The following TMEM50A variants were observed in gnomAD, a reference collection of about 807,000 sequenced individuals.
TMEM50A encodes cervical cancer oncogene 9.
In TMEM50A, 8 loss-of-function variants were observed where a neutral mutation model predicts 23.9. The ratio of observed to expected loss-of-function variants is 0.33; its 90% CI spans 0.20 to 0.60. The LOEUF is 0.60. Among genes scored for constraint, TMEM50A ranks in the 20% least tolerant of loss-of-function variants. TMEM50A has a pLI of 0.81. For missense variants in TMEM50A, 178 were observed against 192.7 expected, an observed-to-expected ratio of 0.92 and a Z score of 0.45; for synonymous variants, 55 against 60.4, an observed-to-expected ratio of 0.91 and a Z score of 0.41.
chr1:25,346,338 A>G (rs1272341968), intron 3 of TMEM50A, among the ~76,000 whole-genome samples: 3 of 151,990 alleles, frequency 2.0e-5, no homozygotes, highest in African/African-American at 7.2e-5. Flanking sequence ...AAACATGCAC[A>G]TGAACACCCA....
intron 3 of TMEM50A, 122 bp from the exon 4 acceptor site, chr1:25,351,504 G>A (rs915698942): frequency 4.4e-6 from 3 of 679,506 alleles, no homozygotes; most frequent in Non-Finnish European, 6.6e-6. Context: ...GTGAGACCCT[G>A]TATCTTTAAA....
At chr1:25,356,913 A>G (rs1645338631) in intron 6 of TMEM50A, 60 bp downstream of exon 6, 22 of 1,260,804 alleles carry the variant, frequency 1.7e-5, no homozygotes, top group Non-Finnish European at 2.3e-5. Context: ...CTTCTTTTAT[A>G]TCATTTTCTA....
At chr1:25,351,589 T>C (rs775217218) in intron 3 of TMEM50A, 37 bp from the exon 4 acceptor site, 1 of 1,562,852 alleles carries the variant, frequency 6.4e-7, no homozygotes, top group Admixed American at 1.9e-5. Context: ...ATTGGTGTCA[T>C]GGACCCTGAT....
chr1:25,341,383 C>T (rs998265182), intron 2 of TMEM50A, among the ~76,000 whole-genome samples: 4 of 152,064 alleles, frequency 2.6e-5, no homozygotes, highest in Non-Finnish European at 5.9e-5. Flanking sequence ...TTCAGCCTCC[C>T]GAGTAGCTGG....
rs1645395066 is a variant in TMEM50A, at chr1:25,360,961, A to G, written c.*256A>G. On this transcript the variant is annotated 3_prime_UTR_variant, in exon 7 of 7. Coordinates refer to ENST00000374358, the MANE Select transcript of TMEM50A (RefSeq NM_014313.4). ...TTTTTGTCAAATTTTATCATGGTAT[A>G]ATTTGTAAAAATAAAAAGAAATTAC... is the stretch of plus-strand genomic sequence containing the variant. The G allele has an allele frequency of 5.4e-6, 2 of 369,914 alleles. No homozygotes were observed. The highest frequency in any genetic ancestry group is 4.9e-6 in the Non-Finnish European group (1 of 204,312). The allele number at this position is 369,914 out of a possible 1,614,324, so 22.9% of individuals were successfully genotyped here.
chr1:25,340,533 G>C lies in TMEM50A; in HGVS notation c.47G>C (p.Trp16Ser), dbSNP rs147456847. The change falls in exon 2 of 7, where the codon TGG becomes TCG. Residue 16 changes from tryptophan to serine, a missense_variant. By Grantham distance (177) the Trp-to-Ser change is radical. Transcript: ENST00000374358. The stretch of plus-strand genomic sequence containing the variant: ...TTGAGATGCTCAGAATGCATTGACT[G>C]GGGGGAAAAGCGCAATACTATTGCT... ...EGLRCSECID[W>S]GEKRNTIASI... 6.2e-6 allele frequency: 10 copies of C among 1,613,364 alleles called. No individual in the cohort carries two copies. Among genetic ancestry groups the C allele is most frequent in the East Asian group, 4.5e-5 (2 of 44,706 alleles).
At chr1:25,359,706 CT>C (rs1393863377) in intron 6 of TMEM50A, among the ~76,000 whole-genome samples, 1 of 152,134 alleles carries the variant, frequency 6.6e-6, no homozygotes, top group East Asian at 1.9e-4. Context: ...AAGCCCCATG[CT>C]TTTTTATGCC....
chr1:25,361,968 C>T lies in TMEM50A; in HGVS notation c.*1263C>T. 5.7e-6 allele frequency: 1 copy of T among 174,850 alleles called. No individual in the cohort carries two copies. Among genetic ancestry groups the T allele is most frequent in the East Asian group, 1.5e-4 (1 of 6,578 alleles). The allele number at this position is 174,850 out of a possible 1,614,324, so 10.8% of individuals were successfully genotyped here. ...GAACAGACCATGGAAATTTAAACGA[C>T]TTCCTCACGGTCACAGAACTAGTTT... On this transcript the variant is annotated 3_prime_UTR_variant, in exon 7 of 7. Coordinates refer to ENST00000374358, the MANE Select transcript of TMEM50A (RefSeq NM_014313.4).
intron 5 of TMEM50A, among the ~76,000 whole-genome samples, chr1:25,354,613 A>G (rs1489934504): frequency 6.6e-6 from 1 of 152,168 alleles, no homozygotes; most frequent in African/African-American, 2.4e-5. Flanking sequence ...CGCTGTCTCA[A>G]AAAAAGAGAA....
chr1:25,340,590 T>C lies in TMEM50A; in HGVS notation c.93+11T>C, dbSNP rs1571795126. On this transcript the variant is annotated intron_variant, in intron 2 of 6. Coordinates refer to ENST00000374358, the MANE Select transcript of TMEM50A (RefSeq NM_014313.4). ...GCTGCTGGTGTACTAGTAAGTGTCA[T>C]TGATTATTTGGGCCTTATTTTTTGG... 1 of 1,606,172 alleles carries C rather than the reference T, an allele frequency of 6.2e-7. No individual in the cohort carries two copies. The highest frequency in any genetic ancestry group is 8.5e-7 in the Non-Finnish European group (1 of 1,175,902).
In TMEM50A at chr1:25,345,120, C is replaced by CTTTT. The variant is rs775789415; in HGVS notation, c.206+2064_206+2067dup. Among the ~76,000 whole-genome samples the CTTTT allele has an allele frequency of 8.9e-3, 1,045 of 117,392 alleles. 14 individuals carry two copies. The highest frequency in any genetic ancestry group is 0.031 in the African/African-American group (976 of 31,124). 77.0% of individuals were successfully genotyped at this position (117,392 alleles called of 152,430 possible). The stretch of plus-strand genomic sequence containing the variant: ...ACTGTTTTTCCAGTTACCACATCTT[C>CTTTT]TTTTTTTTTTTTTTTTTTTTGGATA... On this transcript the variant is annotated intron_variant, in intron 3 of 6. Coordinates refer to ENST00000374358, the MANE Select transcript of TMEM50A (RefSeq NM_014313.4).
chr1:25,356,458 C>T (rs1405825732), intron 5 of TMEM50A, among the ~76,000 whole-genome samples: 3 of 152,184 alleles, frequency 2.0e-5, no homozygotes, highest in Non-Finnish European at 4.4e-5. Flanking sequence ...CTCCACCTTT[C>T]CTGCATTATT....
intron 1 of TMEM50A, among the ~76,000 whole-genome samples, chr1:25,339,668 T>G (rs546030948): frequency 6.6e-6 from 1 of 152,350 alleles, no homozygotes; most frequent in African/African-American, 2.4e-5. Context: ...TTATCACTTG[T>G]CTCTCTACTA....
chr1:25,348,556 G>A (rs1022488301), intron 3 of TMEM50A, among the ~76,000 whole-genome samples: 5 of 151,928 alleles, frequency 3.3e-5, no homozygotes, highest in African/African-American at 4.8e-5. Flanking sequence ...GTGGTGACAC[G>A]CGCCTGTGGT....
intron 6 of TMEM50A, among the ~76,000 whole-genome samples, chr1:25,357,122 A>G (rs1008174099): frequency 1.3e-5 from 2 of 152,186 alleles, no homozygotes; most frequent in African/African-American, 2.4e-5. Flanking sequence ...ATTTAGTTAC[A>G]TAACACTGGT....
At chr1:25,339,842 CAGG>C (rs1252951530) in intron 1 of TMEM50A, among the ~76,000 whole-genome samples, 2 of 152,210 alleles carry the variant, frequency 1.3e-5, no homozygotes, top group African/African-American at 2.4e-5. Flanking sequence ...GACAGATTTT[CAGG>C]AGGAGGTCAA....
Position 25,351,608 on chromosome 1 carries a change from T to G in TMEM50A, c.207-18T>G. ...GTGTCATGGACCCTGATTTCTTGGT[T>G]TTATTTTATTCATACAGGATTAATG... is the stretch of plus-strand genomic sequence containing the variant. On this transcript the variant is annotated intron_variant, in intron 3 of 6. Transcript: ENST00000374358. The G allele has an allele frequency of 6.3e-7, 1 of 1,595,344 alleles. No homozygotes were observed. Among genetic ancestry groups the G allele is most frequent in the Non-Finnish European group, 8.5e-7 (1 of 1,174,498 alleles).
intron 3 of TMEM50A, among the ~76,000 whole-genome samples, chr1:25,350,890 A>G (rs557880626): frequency 4.9e-4 from 74 of 151,804 alleles, no homozygotes; most frequent in Non-Finnish European, 8.5e-4. Context: ...GGCTGGGCGC[A>G]GTGGCTCACA....
At position 25,356,895 on chromosome 1, in the gene TMEM50A, T is replaced by A. The variant is rs570266361; in HGVS notation, c.428+42T>A. The A allele has an allele frequency of 9.7e-5, 136 of 1,404,196 alleles. 1 individual carries two copies. The highest frequency in any genetic ancestry group is 3.2e-4 in the East Asian group (14 of 43,404). The allele number at this position is 1,404,196 out of a possible 1,614,324, so 87.0% of individuals were successfully genotyped here. ...TTCTTTATGTTTGTTTGTTTTTTTT[T>A]AAAATAGCTTCTTTTATATCATTTT... On this transcript the variant is annotated intron_variant, in intron 6 of 6. Coordinates refer to ENST00000374358, the MANE Select transcript of TMEM50A (RefSeq NM_014313.4).
Sources: gnomAD v4.1 joint callset for allele counts (sites outside exome capture counted in the v4.1 genomes callset) on GRCh38, gnomAD v4.1.1 for gene constraint, MANE v1.5 for transcripts, NCBI Gene and HGNC (gene_info 2026-07-23, HGNC 2026-07-21) for gene names.